The following NF1 variants were observed in gnomAD, a reference collection of about 807,000 sequenced individuals.
NF1 encodes neurofibromin.
A neutral mutation model predicts 325.7 loss-of-function variants in NF1; 122 were observed. That is an observed-to-expected ratio of 0.37 (90% CI 0.32 to 0.44). The LOEUF (loss-of-function observed/expected upper bound fraction) is 0.44, where lower values mean the gene tolerates loss of function less well. Among genes scored for constraint, NF1 ranks in the 20% least tolerant of loss-of-function variants. NF1 has a pLI of 1.00. For missense variants in NF1, 2,140 were observed against 3,415.4 expected, an observed-to-expected ratio of 0.63 and a Z score of 9.31; for synonymous variants, 1,091 against 1,186.0, an observed-to-expected ratio of 0.92 and a Z score of 1.65.
chr17:31,358,409 T>C (rs893221899), intron 54 of NF1, 71 bp from the exon 55 acceptor site: 7 of 1,447,544 alleles, frequency 4.8e-6, no homozygotes, highest in Non-Finnish European at 6.7e-6. Context: ...ATGTATATTA[T>C]GTTTTCCACT....
chr17:31,185,443 C>G (rs1382176465), intron 8 of NF1, among the ~76,000 whole-genome samples: 1 of 152,194 alleles, frequency 6.6e-6, no homozygotes, highest in Admixed American at 6.5e-5. Flanking sequence ...AGCAAACGCA[C>G]TGGACTTATT....
At chr17:31,277,525 C>T (rs1042350197) in intron 36 of NF1, among the ~76,000 whole-genome samples, 19 of 152,244 alleles carry the variant, frequency 1.2e-4, no homozygotes, top group South Asian at 2.1e-4. Context: ...TTGCCTTTGC[C>T]TCTTCAAATC....
chr17:31,184,445 C>T (rs1292951402), intron 8 of NF1, among the ~76,000 whole-genome samples: 3 of 151,324 alleles, frequency 2.0e-5, no homozygotes, highest in Admixed American at 6.6e-5. Context: ...GTCAGGAGAT[C>T]GAGACCATCC....
At chr17:31,118,928 G>GTC (rs1188159081) in intron 1 of NF1, among the ~76,000 whole-genome samples, 35 of 140,448 alleles carry the variant, frequency 2.5e-4, no homozygotes, top group African/African-American at 4.9e-4. Context: ...GCATTTCTAT[G>GTC]TCTCTCTCTC....
At chr17:31,306,944 G>C (rs778471952) in intron 36 of NF1, among the ~76,000 whole-genome samples, 14 of 151,946 alleles carry the variant, frequency 9.2e-5, no homozygotes, top group Non-Finnish European at 1.5e-4. Flanking sequence ...GAGGCCAGGA[G>C]TTCAAGAACA....
chr17:31,327,649 G>A lies in NF1; in HGVS notation c.5419G>A (p.Gly1807Ser), dbSNP rs1443729188. The A allele has an allele frequency of 6.2e-7, 1 of 1,613,994 alleles. No homozygotes were observed. The change falls in exon 38 of 58, where the codon GGC becomes AGC. Residue 1807 changes from glycine (G) to serine (S), a missense_variant. Gly to Ser is a moderately conservative substitution (Grantham distance 56). Transcript: ENST00000358273. ...NQFTLTIANQ[G>S]TPLTFMHQEC... is the part of the protein sequence containing the mutation. ...GTTCACCTTAACCATTGCAAACCAG[G>A]GCACGCCGCTCACCTTCATGCACCA...
intron 47 of NF1, among the ~76,000 whole-genome samples, chr17:31,341,529 A>G (rs2151563253): frequency 6.6e-6 from 1 of 152,212 alleles, no homozygotes; most frequent in Non-Finnish European, 1.5e-5. Flanking sequence ...TCTCCAAAAA[A>G]AAGTGTGTAT....
At chr17:31,189,864 C>A (rs541300902) in intron 8 of NF1, among the ~76,000 whole-genome samples, 1 of 149,302 alleles carries the variant, frequency 6.7e-6, no homozygotes, top group East Asian at 2.0e-4. Flanking sequence ...CGGGTTCAAG[C>A]GATTCTCCTG....
rs1281965840 is a variant in NF1 at position 31,376,141 on chromosome 17, C to T, written c.*1986C>T. 2 of 233,022 alleles carry T rather than the reference C, an allele frequency of 8.6e-6. No homozygotes were observed. The highest frequency in any genetic ancestry group is 4.4e-5 in the African/African-American group (2 of 45,450). The allele number at this position is 233,022 out of a possible 1,614,324, so 14.4% of individuals were successfully genotyped here. A position where few individuals can be genotyped will look rare whatever the true frequency, so the allele number is the denominator to read the frequency against. On this transcript the variant is annotated 3_prime_UTR_variant, in exon 58 of 58. Transcript: ENST00000358273. ...AGCTGCCACCATGGTCTTGGCTCTC[C>T]CACAACCCAGTGTTTCTGGGGTAAG...
chr17:31,244,805 T>G (rs1000555284), intron 29 of NF1, among the ~76,000 whole-genome samples: 1 of 152,192 alleles, frequency 6.6e-6, no homozygotes. Context: ...TCAGTTCTTA[T>G]GAAGGTGCTT....
At chr17:31,325,129 G>A (rs2854307) in intron 36 of NF1, among the ~76,000 whole-genome samples, 75,658 of 151,950 alleles carry the variant, frequency 0.5, 20,683 homozygotes, top group Non-Finnish European at 0.62. Flanking sequence ...ATTGGCTTAT[G>A]TAACTGAGCA....
chr17:31,320,329 G>A (rs1427523138), intron 36 of NF1: 2 of 1,460,594 alleles, frequency 1.4e-6, no homozygotes, highest in Non-Finnish European at 1.8e-6. Flanking sequence ...AATGTACTTA[G>A]GAGTCCTTTT....
chr17:31,151,384 A>G (rs1037819200), intron 1 of NF1, among the ~76,000 whole-genome samples: 2 of 152,204 alleles, frequency 1.3e-5, no homozygotes, highest in African/African-American at 4.8e-5. Context: ...AATGATTCCT[A>G]TTAATGTGGA....
intron 36 of NF1, chr17:31,318,396 G>A (rs763324384): frequency 2.5e-6 from 4 of 1,613,806 alleles, no homozygotes; most frequent in African/African-American, 1.3e-5. Context: ...GCATCACTAG[G>A]TTGGGTCCTG....
intron 2 of NF1, 122 bp downstream of exon 2, chr17:31,156,248 T>A: frequency 8.6e-7 from 1 of 1,165,082 alleles, no homozygotes; most frequent in Non-Finnish European, 1.2e-6. Context: ...ATATAACCAT[T>A]AATCTTATTT....
intron 14 of NF1, among the ~76,000 whole-genome samples, chr17:31,221,277 A>G (rs1264141911): frequency 6.6e-6 from 1 of 152,110 alleles, no homozygotes; most frequent in Non-Finnish European, 1.5e-5. Context: ...TCTCTGAGCC[A>G]GATTCCAACT....
At chr17:31,241,496 TA>T (rs1743121092) in intron 29 of NF1, among the ~76,000 whole-genome samples, 1 of 152,250 alleles carries the variant, frequency 6.6e-6, no homozygotes, top group African/African-American at 2.4e-5. Context: ...TCTTGCTTTT[TA>T]TTTTTTGTGC....
chr17:31,358,723 G>C, intron 55 of NF1, 101 bp downstream of exon 55: 2 of 1,465,666 alleles, frequency 1.4e-6, no homozygotes, highest in Non-Finnish European at 1.9e-6. Context: ...GGATAGACTT[G>C]TTCATACTTT....
chr17:31,265,444 A>G (rs1311931526), intron 36 of NF1, 105 bp downstream of exon 36: 1 of 814,528 alleles, frequency 1.2e-6, no homozygotes, highest in Non-Finnish European at 2.1e-6. Flanking sequence ...ACAGGAATTG[A>G]AGACAAGTTT....
Sources: allele counts gnomAD v4.1 joint callset (sites outside exome capture counted in the v4.1 genomes callset), GRCh38; gene constraint gnomAD v4.1.1; transcripts MANE v1.5; gene names NCBI Gene and HGNC (gene_info 2026-07-23, HGNC 2026-07-21).